Variants in TRABD2B observed in about 807,000 individuals in gnomAD.
The protein encoded by TRABD2B is metalloprotease TIKI2.
A neutral mutation model predicts 40.1 loss-of-function variants in TRABD2B; 14 were observed. The ratio of observed to expected loss-of-function variants is 0.35; its 90% CI spans 0.23 to 0.55. The LOEUF is 0.55. Among genes scored for constraint, TRABD2B ranks in the 20% least tolerant of loss-of-function variants. The probability of loss-of-function intolerance (pLI) is 0.90; values close to 1 mark genes in which losing one functional copy is unlikely to be tolerated. For missense variants in TRABD2B, 541 were observed against 648.6 expected, an observed-to-expected ratio of 0.83 and a Z score of 1.80; for synonymous variants, 263 against 277.0, an observed-to-expected ratio of 0.95 and a Z score of 0.50.
Position 47,996,074 on chromosome 1 carries a change from G to T in TRABD2B, c.102+614C>A, listed in dbSNP as rs992871596. Among the ~76,000 whole-genome samples the T allele has an allele frequency of 1.3e-5, 2 of 152,228 alleles. No homozygotes were observed. Among genetic ancestry groups the T allele is most frequent in the African/African-American group, 4.8e-5 (2 of 41,456 alleles). ...CTCGACCCCAAGAAATATTAGGCCA[G>T]TATGTCCTGGCATTGCCTTTTCCTC... On this transcript the variant is annotated intron_variant, in intron 1 of 6. Transcript: ENST00000606738. This position sits in a 1 kb window ranked among gnomAD's most constrained non-coding sequence, Gnocchi z 4.6.
chr1:47,946,537 T>C (rs193270484), intron 2 of TRABD2B, among the ~76,000 whole-genome samples: 65 of 152,342 alleles, frequency 4.3e-4, no homozygotes, highest in African/African-American at 1.3e-3. Context: ...AGAAATTACA[T>C]TGATTGATTT....
At chr1:47,822,360 T>C (rs1164724030) in intron 2 of TRABD2B, among the ~76,000 whole-genome samples, 1 of 152,248 alleles carries the variant, frequency 6.6e-6, no homozygotes, top group Non-Finnish European at 1.5e-5. Context: ...TTTTAGGTTC[T>C]GGAGTGAAGT....
rs540969068 is a variant in TRABD2B, at chr1:47,894,889, G to C, written c.667-93270C>G. Among the ~76,000 whole-genome samples, 143 of 152,202 alleles carry C rather than the reference G, an allele frequency of 9.4e-4. 1 individual carries two copies. Among genetic ancestry groups the C allele is most frequent in the African/African-American group, 3.3e-3 (135 of 41,516 alleles). On this transcript the variant is annotated intron_variant, in intron 2 of 6. Coordinates refer to ENST00000606738, the MANE Select transcript of TRABD2B (RefSeq NM_001194986.2). ...TGGCACTCCTGCCCTCAGGGGAGTG[G>C]CCAGACGTGGCCACAGACAACCAGA...
intron 2 of TRABD2B, among the ~76,000 whole-genome samples, chr1:47,874,309 A>G (rs1421787382): frequency 3.3e-5 from 4 of 119,784 alleles, no homozygotes; most frequent in African/African-American, 6.4e-5. Context: ...CCCAGGCCGG[A>G]CTGCGGACTG....
intron 2 of TRABD2B, among the ~76,000 whole-genome samples, chr1:47,970,320 C>A (rs1645663257): frequency 1.3e-5 from 2 of 151,920 alleles, no homozygotes; most frequent in South Asian, 4.2e-4. Flanking sequence ...CCATTTTAAC[C>A]ATTTTGCACT....
chr1:47,958,193 A>T (rs1315177114), intron 2 of TRABD2B, among the ~76,000 whole-genome samples: 7 of 147,944 alleles, frequency 4.7e-5, no homozygotes. Flanking sequence ...CTGCCTTACA[A>T]GAGCTCCTGA....
chr1:47,894,247 T>C (rs1644487974), intron 2 of TRABD2B, among the ~76,000 whole-genome samples: 1 of 152,154 alleles, frequency 6.6e-6, no homozygotes, highest in Non-Finnish European at 1.5e-5. Context: ...CTTAGTACTG[T>C]GACCTTGGGC....
chr1:47,814,191 G>A (rs1012215657), intron 2 of TRABD2B, among the ~76,000 whole-genome samples: 1 of 152,260 alleles, frequency 6.6e-6, no homozygotes, highest in Non-Finnish European at 1.5e-5. Flanking sequence ...GTTCAGGGCC[G>A]TGTCAGTGAC....
intron 2 of TRABD2B, among the ~76,000 whole-genome samples, chr1:47,904,034 G>A (rs1488445876): frequency 6.6e-6 from 1 of 152,134 alleles, no homozygotes; most frequent in African/African-American, 2.4e-5. Context: ...CTCATCCTGG[G>A]GAAGAAAAGA....
chr1:47,840,956 G>C (rs979150600), intron 2 of TRABD2B, among the ~76,000 whole-genome samples: 1 of 152,176 alleles, frequency 6.6e-6, no homozygotes, highest in Non-Finnish European at 1.5e-5. Context: ...GACAGGGAAG[G>C]AAAGAGAGAG....
chr1:47,956,231 A>G (rs1645419636), intron 2 of TRABD2B, among the ~76,000 whole-genome samples: 2 of 152,018 alleles, frequency 1.3e-5, no homozygotes, highest in Admixed American at 6.6e-5. Flanking sequence ...CAGAAACCCA[A>G]CTCATGGAGG....
At chr1:47,853,263 C>T (rs1643852066) in intron 2 of TRABD2B, among the ~76,000 whole-genome samples, 1 of 152,218 alleles carries the variant, frequency 6.6e-6, no homozygotes, top group East Asian at 1.9e-4. Flanking sequence ...GGGGCCCAAA[C>T]CCACCAACGC....
chr1:47,799,600 G>A (rs1349817728), intron 3 of TRABD2B, among the ~76,000 whole-genome samples: 1 of 152,194 alleles, frequency 6.6e-6, no homozygotes, highest in Admixed American at 6.5e-5. Context: ...AAGATAGGCA[G>A]CACACCATCA....
At chr1:47,931,155 C>T (rs1645034929) in intron 2 of TRABD2B, among the ~76,000 whole-genome samples, 1 of 152,204 alleles carries the variant, frequency 6.6e-6, no homozygotes, top group South Asian at 2.1e-4. Flanking sequence ...AATGAATGAG[C>T]TAACGAATGA....
chr1:47,917,185 T>C (rs1644841203), intron 2 of TRABD2B, among the ~76,000 whole-genome samples: 1 of 151,626 alleles, frequency 6.6e-6, no homozygotes, highest in South Asian at 2.1e-4. Flanking sequence ...GAAGAGAGAG[T>C]TCCACAGGCC....
Position 47,801,521 on chromosome 1 carries a change from G to C in TRABD2B, c.765C>G (p.Tyr255Ter), listed in dbSNP as rs1451729972. Reference protein sequence around the residue: ...SYTTEDLIKHYNCGDLSAVIF... With the variant: ...SYTTEDLIKH ...TGACTGCGCTGAGGTCTCCGCAGTT[G>C]TAGTGCTTGATGAGGTCCTCCGTGG... The change falls in exon 3 of 7, where the codon TAC becomes TAG. Residue 255 changes from tyrosine (Y) to a stop codon, truncating the protein, a stop_gained. Transcript: ENST00000606738. LOFTEE classifies it high-confidence loss of function. The C allele has an allele frequency of 6.5e-7, 1 of 1,536,030 alleles. No individual in the cohort carries two copies. Among genetic ancestry groups the C allele is most frequent in the Non-Finnish European group, 8.7e-7 (1 of 1,146,908 alleles).
rs1274448036 is a variant in TRABD2B at position 47,927,646 on chromosome 1, T to C, written c.666+66388A>G. Among the ~76,000 whole-genome samples, 5 of 152,130 alleles carry C rather than the reference T, an allele frequency of 3.3e-5. No individual in the cohort carries two copies. In the East Asian group the frequency reaches 5.8e-4, roughly 18 times the overall value. ...AGGGTCCTCCCCATTAGGGGAAATATGGGGGCCATCCATTATGGGAGGTGC... is the reference window on the plus strand; with the variant it reads ...AGGGTCCTCCCCATTAGGGGAAATACGGGGGCCATCCATTATGGGAGGTGC... On this transcript the variant is annotated intron_variant, in intron 2 of 6. Transcript: ENST00000606738.
At chr1:47,990,532 C>T (rs752447907) in intron 2 of TRABD2B, among the ~76,000 whole-genome samples, 5 of 151,724 alleles carry the variant, frequency 3.3e-5, no homozygotes, top group Non-Finnish European at 5.9e-5. Context: ...TGGCAACTTC[C>T]CATGCAGCCT....
intron 2 of TRABD2B, among the ~76,000 whole-genome samples, chr1:47,894,136 T>C (rs1242582240): frequency 6.6e-6 from 1 of 152,172 alleles, no homozygotes; most frequent in Non-Finnish European, 1.5e-5. Flanking sequence ...GATACAGTGA[T>C]ACACAGTGTG....
Sources: allele counts gnomAD v4.1 joint callset (sites outside exome capture counted in the v4.1 genomes callset), GRCh38; gene constraint gnomAD v4.1.1; non-coding constraint Gnocchi (gnomAD v3.1); transcripts MANE v1.5; gene names NCBI Gene and HGNC (gene_info 2026-07-23, HGNC 2026-07-21).